Variants in LRP1B observed in about 807,000 individuals in gnomAD.
The protein encoded by LRP1B is low-density lipoprotein receptor-related protein 1B.
Under a neutral mutation model 556.6 loss-of-function variants are expected in LRP1B, and 217 were observed. That is an observed-to-expected ratio of 0.39 (90% CI 0.35 to 0.44). LRP1B has a LOEUF of 0.44. Ranked by LOEUF, LRP1B falls within the 20% of genes least tolerant of loss-of-function variation. The pLI is 1.00. For synonymous variants in LRP1B, 2,047 were observed against 1,865.8 expected (o/e 1.10, Z -2.50); for missense variants, 5,053 against 5,620.8 (o/e 0.90, Z 3.23).
chr2:141,795,899 T>TATAA lies in LRP1B; in HGVS notation c.205+14379_205+14380insTTAT, dbSNP rs1247641787. ...ATATATATATATATATATATATATATAATCTTTAAGCAAAATTTAACATGA... is the reference window on the plus strand; with the variant it reads ...ATATATATATATATATATATATATATATAAAATCTTTAAGCAAAATTTAACATGA... On this transcript the variant is annotated intron_variant, in intron 2 of 90. Transcript: ENST00000389484. 3.0e-3 allele frequency among the ~76,000 whole-genome samples: 232 copies of TATAA among 76,970 alleles called. 5 individuals carry two copies. In the East Asian group the frequency reaches 0.037, roughly 12 times the overall value. 50.5% of individuals were successfully genotyped at this position (76,970 alleles called of 152,430 possible).
intron 25 of LRP1B, among the ~76,000 whole-genome samples, chr2:140,869,105 C>A (rs908352242): frequency 6.6e-6 from 1 of 152,046 alleles, no homozygotes; most frequent in African/African-American, 2.4e-5. Flanking sequence ...TTTCCAAGCC[C>A]ACCCATAAAC....
chr2:141,511,443 A>C (rs1451064669), intron 2 of LRP1B, among the ~76,000 whole-genome samples: 9 of 152,168 alleles, frequency 5.9e-5, no homozygotes, highest in Admixed American at 5.9e-4. Context: ...GCAGCTGTCC[A>C]CTTCAATATT....
At chr2:140,724,165 T>A (rs1448308957) in intron 35 of LRP1B, among the ~76,000 whole-genome samples, 1 of 152,154 alleles carries the variant, frequency 6.6e-6, no homozygotes, top group East Asian at 1.9e-4. Context: ...TAATCTTTTC[T>A]TAGAGTTTAT....
intron 86 of LRP1B, among the ~76,000 whole-genome samples, chr2:140,251,771 T>TA (rs1193157189): frequency 6.6e-6 from 1 of 151,746 alleles, no homozygotes; most frequent in African/African-American, 2.4e-5. Flanking sequence ...TCAGTGCCCT[T>TA]AAAATCTCAT....
In LRP1B at chr2:141,012,457, A is replaced by C. The variant is rs988093807; in HGVS notation, c.2380+1099T>G. Among the ~76,000 whole-genome samples, 23 of 152,132 alleles carry C rather than the reference A, an allele frequency of 1.5e-4. 1 individual carries two copies. Among genetic ancestry groups the C allele is most frequent in the Admixed American group, 1.2e-3 (19 of 15,258 alleles). On this transcript the variant is annotated intron_variant, in intron 14 of 90. Coordinates refer to ENST00000389484, the MANE Select transcript of LRP1B (RefSeq NM_018557.3). ...AGTGTGGTAGGGGTGCAGGGTTTAT[A>C]TGAATATAATAAAATATTACCTTTT...
chr2:141,407,367 T>G (rs1472496077), intron 3 of LRP1B, among the ~76,000 whole-genome samples: 1 of 151,874 alleles, frequency 6.6e-6, no homozygotes, highest in Non-Finnish European at 1.5e-5. Flanking sequence ...AAAAAAAACA[T>G]AAAAAGGCAA....
At chr2:140,655,942 C>CAAAAAAAAAAAAAAAAAA (rs369787900) in intron 41 of LRP1B, among the ~76,000 whole-genome samples, 7 of 146,228 alleles carry the variant, frequency 4.8e-5, no homozygotes, top group African/African-American at 1.3e-4. Flanking sequence ...GACTCCGTCT[C>CAAAAAAAAAAAAAAAAAA]AAAAAAAACA....
intron 7 of LRP1B, among the ~76,000 whole-genome samples, chr2:141,074,992 T>C (rs1457744818): frequency 6.6e-6 from 1 of 152,160 alleles, no homozygotes; most frequent in Non-Finnish European, 1.5e-5. Context: ...TCTTCAATAT[T>C]CACTTGATTT....
At chr2:141,273,819 C>T (rs1685180697) in intron 3 of LRP1B, among the ~76,000 whole-genome samples, 2 of 152,162 alleles carry the variant, frequency 1.3e-5, no homozygotes, top group Non-Finnish European at 2.9e-5. Flanking sequence ...TTTTCAGATC[C>T]AATCTGGTGA....
chr2:140,916,279 A>G (rs1296152903), intron 21 of LRP1B, among the ~76,000 whole-genome samples: 1 of 152,210 alleles, frequency 6.6e-6, no homozygotes, highest in East Asian at 1.9e-4. Flanking sequence ...CTGTACCATT[A>G]TAGGATATTT....
intron 32 of LRP1B, among the ~76,000 whole-genome samples, chr2:140,786,031 T>C (rs549225791): frequency 3.9e-5 from 6 of 152,288 alleles, no homozygotes; most frequent in African/African-American, 4.8e-5. Context: ...CTGACTGCCA[T>C]TGCTAAGTGA....
chr2:140,361,379 T>TATATATATATATATATATATAA (rs1190166439), intron 72 of LRP1B, among the ~76,000 whole-genome samples: 1 of 130,588 alleles, frequency 7.7e-6, no homozygotes, highest in African/African-American at 2.8e-5. Context: ...TATATATATA[T>TATATATATATATATATATATAA]AACAAAAATA....
intron 66 of LRP1B, among the ~76,000 whole-genome samples, chr2:140,414,061 C>T (rs1685076428): frequency 6.6e-6 from 1 of 152,054 alleles, no homozygotes; most frequent in Admixed American, 6.6e-5. Flanking sequence ...AGGTGCATGG[C>T]ACATGGCACC....
chr2:141,770,375 A>G (rs188033447), intron 2 of LRP1B, among the ~76,000 whole-genome samples: 107 of 152,314 alleles, frequency 7.0e-4, no homozygotes, highest in African/African-American at 2.5e-3. Flanking sequence ...ATCACATCAA[A>G]GCTGAGACAT....
At chr2:140,272,847 T>C (rs1682522462) in intron 85 of LRP1B, among the ~76,000 whole-genome samples, 1 of 152,020 alleles carries the variant, frequency 6.6e-6, no homozygotes, top group Admixed American at 6.6e-5. Context: ...AAAGTTCCAC[T>C]ATCTCCTCAT....
intron 14 of LRP1B, among the ~76,000 whole-genome samples, chr2:141,011,357 C>A (rs570553037): frequency 2.0e-5 from 3 of 152,094 alleles, no homozygotes; most frequent in South Asian, 4.1e-4. Flanking sequence ...CTGCTCACAA[C>A]TGAACATCGG....
chr2:140,325,441 T>C (rs962276922), intron 80 of LRP1B, among the ~76,000 whole-genome samples: 8 of 152,090 alleles, frequency 5.3e-5, no homozygotes, highest in Admixed American at 4.6e-4. Flanking sequence ...AAAGTTAGTG[T>C]CCACAGGTGC....
intron 64 of LRP1B, 55 bp from the exon 65 acceptor site, chr2:140,444,504 CA>C: frequency 6.2e-7 from 1 of 1,612,450 alleles, no homozygotes; most frequent in South Asian, 1.1e-5. Flanking sequence ...TAAAATCACA[CA>C]GACATAATCA....
chr2:140,670,054 A>C (rs1184517779), intron 41 of LRP1B, among the ~76,000 whole-genome samples: 1 of 152,184 alleles, frequency 6.6e-6, no homozygotes, highest in African/African-American at 2.4e-5. Context: ...GAAGTAGCAC[A>C]GATTTTGGCA....
Sources: allele counts gnomAD v4.1 joint callset (sites outside exome capture counted in the v4.1 genomes callset), GRCh38; gene constraint gnomAD v4.1.1; transcripts MANE v1.5; gene names NCBI Gene and HGNC (gene_info 2026-07-23, HGNC 2026-07-21).